Variants in NPC1L1 observed in about 807,000 individuals in gnomAD.
NPC1L1 encodes the protein NPC1 like intracellular cholesterol transporter 1, also known as NPC1-like intracellular cholesterol transporter 1.
In NPC1L1, 98 loss-of-function variants were observed where a neutral mutation model predicts 117.0. The observed-to-expected ratio is 0.84, with a 90% CI of 0.71 to 0.99. The LOEUF (loss-of-function observed/expected upper bound fraction) is 0.99. Ranked by LOEUF, NPC1L1 falls within the 50% of genes least tolerant of loss-of-function variation. The pLI is 0.00. For synonymous variants in NPC1L1, 729 were observed against 727.6 expected (o/e 1.00, Z -0.03); for missense variants, 1,540 against 1,710.0 (o/e 0.90, Z 1.75).
rs149339774 is a variant in NPC1L1 at position 44,539,009 on chromosome 7, C to T, written c.1388G>A (p.Arg463His). The T allele has an allele frequency of 3.0e-4, 482 of 1,613,972 alleles. No individual in the cohort carries two copies. Among genetic ancestry groups the T allele is most frequent in the Non-Finnish European group, 3.7e-4 (441 of 1,180,018 alleles). ...HLQVWSPEAQ[R>H]NISLQDICYA... is the part of the protein sequence containing the mutation. ...GCAGATGTCCTGCAGGGAGATGTTG[C>T]GCTGTGCTTCGGGCGACCATACCTG... The change falls in exon 2 of 19, where the codon CGC (arginine) becomes CAC (histidine). Residue 463 changes from arginine (R) to histidine (H), a missense_variant. Arg to His is a conservative substitution (Grantham distance 29). Transcript: ENST00000381160. This position sits in a 1 kb window ranked among gnomAD's most constrained non-coding sequence, Gnocchi z 4.4.
In NPC1L1 at chr7:44,536,003, G is replaced by T. The variant is rs751489063; in HGVS notation, c.1855-35C>A. On this transcript the variant is annotated intron_variant, in intron 4 of 18. Coordinates refer to ENST00000381160, the MANE Select transcript of NPC1L1 (RefSeq NM_001101648.2). The surrounding 1 kb of genome is among the most constrained non-coding windows in gnomAD (Gnocchi z 4.7). ...CACACCCGACCAGCCCCCACTGACCGTGCCTGCTTCAGCCAGGCCAGCTCT... is the reference window on the plus strand; with the variant it reads ...CACACCCGACCAGCCCCCACTGACCTTGCCTGCTTCAGCCAGGCCAGCTCT... The T allele has an allele frequency of 6.2e-7, 1 of 1,612,146 alleles. No homozygotes were observed. The highest frequency in any genetic ancestry group is 8.5e-7 in the Non-Finnish European group (1 of 1,179,898).
In NPC1L1 at chr7:44,521,741, T is replaced by C. The variant is rs1382699223; in HGVS notation, c.2924A>G (p.Asn975Ser). The change falls in exon 12 of 19, where the codon AAT becomes AGT. Residue 975 changes from asparagine to serine, a missense_variant. This residue lies in a region of NPC1L1 where 742 missense variants were observed against 873.6 expected (regional missense o/e 0.85). Coordinates refer to ENST00000381160, the MANE Select transcript of NPC1L1 (RefSeq NM_001101648.2). ...GGTCGAGGGGCAGAACTTGTCCTTA[T>C]TGGGGCCAGATATATAAAGGCGGCA... ...SCCRLYISGP[N>S]KDKFCPSTVN... 1.4e-5 allele frequency: 23 copies of C among 1,613,960 alleles called. No homozygotes were observed. The highest frequency in any genetic ancestry group is 1.8e-5 in the Non-Finnish European group (21 of 1,180,014).
rs1276692988 is a variant in NPC1L1, at chr7:44,515,965, C to G, written c.3634G>C (p.Val1212Leu). ...KEATISMGSA[V>L]FAGVAMTNLP... ...TTGGTCATGGCCACACCTGCAAACA[C>G]CTGGGGGGTTCAGAGCCAGGTGTCA... The change falls in exon 18 of 19, where the codon GTG (valine) becomes CTG (leucine). Residue 1212 changes from valine (V) to leucine (L), a missense_variant and splice_region_variant. By Grantham distance (32) the Val-to-Leu change is conservative. Transcript: ENST00000381160. 1.2e-6 allele frequency: 2 copies of G among 1,613,706 alleles called. No individual in the cohort carries two copies. Among genetic ancestry groups the G allele is most frequent in the Non-Finnish European group, 1.7e-6 (2 of 1,179,880 alleles).
chr7:44,538,707 A>T lies in NPC1L1; in HGVS notation c.1580+110T>A. 9.2e-7 allele frequency: 1 copy of T among 1,091,218 alleles called. No homozygotes were observed. Among genetic ancestry groups the T allele is most frequent in the Non-Finnish European group, 1.4e-6 (1 of 714,494 alleles). The allele number at this position is 1,091,218 out of a possible 1,614,324, so 67.6% of individuals were successfully genotyped here. A position where few individuals can be genotyped will look rare whatever the true frequency, so the allele number is the denominator to read the frequency against. The stretch of plus-strand genomic sequence containing the variant: ...CCAGGCCAGAGCCGTAGGAATAGCT[A>T]CCTCTGGTCCTTCAGGACCAGCTGT... On this transcript the variant is annotated intron_variant, in intron 2 of 18. Transcript: ENST00000381160. This position sits in a 1 kb window ranked among gnomAD's most constrained non-coding sequence, Gnocchi z 5.9.
Position 44,539,968 on chromosome 7 carries a change from G to A in NPC1L1, c.429C>T (p.Ala143=), listed in dbSNP as rs749862636. The change falls in exon 2 of 19, where the codon GCC becomes GCT. Residue 143 remains alanine, a synonymous_variant. Coordinates refer to ENST00000381160, the MANE Select transcript of NPC1L1 (RefSeq NM_001101648.2). The surrounding 1 kb of genome is among the most constrained non-coding windows in gnomAD (Gnocchi z 4.4). ...QSLFINVTRV[A]QLGAGQLPAV... ...CTGGGAGTTGTCCAGCCCCTAGCTG[G>A]GCCACGCGGGTCACATTGATGAAGA... The A allele has an allele frequency of 3.7e-6, 6 of 1,614,088 alleles. No homozygotes were observed. In the Admixed American group the frequency reaches 1.0e-4, roughly 27 times the overall value.
At chr7:44,516,027 C>T in intron 17 of NPC1L1, 57 bp downstream of exon 17, 1 of 1,608,976 alleles carries the variant, frequency 6.2e-7, no homozygotes. Context: ...CACAGGGCAT[C>T]AGGCAGGGCA....
Position 44,532,163 on chromosome 7 carries a change from C to T in NPC1L1, c.2464G>A (p.Gly822Ser). The T allele has an allele frequency of 6.2e-7, 1 of 1,613,952 alleles. No individual in the cohort carries two copies. The highest frequency in any genetic ancestry group is 8.5e-7 in the Non-Finnish European group (1 of 1,180,014). The change falls in exon 9 of 19, where the codon GGC becomes AGC. Residue 822 changes from glycine (G) to serine (S), a missense_variant. By Grantham distance (56) the Gly-to-Ser change is moderately conservative. Transcript: ENST00000381160. ...CCAAGCAGGAGCCCCTCTCCCTGGC[C>T]AGGCGGGGGCAGCTCCTGGGGCTTG... Reference protein sequence around the residue: ...CVKPQELPPPGQGEGLLLGFF... With the variant: ...CVKPQELPPPSQGEGLLLGFF...
chr7:44,536,180 C>T lies in NPC1L1; in HGVS notation c.1854+76G>A. 1 of 1,602,346 alleles carries T rather than the reference C, an allele frequency of 6.2e-7. No individual in the cohort carries two copies. The highest frequency in any genetic ancestry group is 2.2e-5 in the East Asian group (1 of 44,842). ...CAGGGTCACTTAGGAAGGGCCAGGGCCAGGATGGGGACACAGGAACTGACC... is the reference window on the plus strand; with the variant it reads ...CAGGGTCACTTAGGAAGGGCCAGGGTCAGGATGGGGACACAGGAACTGACC... On this transcript the variant is annotated intron_variant, in intron 4 of 18. Transcript: ENST00000381160. This position sits in a 1 kb window ranked among gnomAD's most constrained non-coding sequence, Gnocchi z 4.7.
In NPC1L1 at chr7:44,515,982, C is replaced by T. The variant is rs769973626; in HGVS notation, c.3634-17G>A. The T allele has an allele frequency of 9.3e-6, 15 of 1,613,304 alleles. No individual in the cohort carries two copies. In the East Asian group the frequency reaches 3.1e-4, roughly 34 times the overall value. ...TGCAAACACCTGGGGGGTTCAGAGC[C>T]AGGTGTCAGGCAGGGCACAGGGCAT... On this transcript the variant is annotated splice_polypyrimidine_tract_variant and intron_variant, in intron 17 of 18. Transcript: ENST00000381160.
chr7:44,527,914 T>G (rs945322876), intron 10 of NPC1L1, among the ~76,000 whole-genome samples: 2 of 152,104 alleles, frequency 1.3e-5, no homozygotes, highest in Non-Finnish European at 2.9e-5. Context: ...AACCTCTACC[T>G]CCTAGATTCA....
intron 10 of NPC1L1, among the ~76,000 whole-genome samples, chr7:44,531,469 C>G (rs2117057003): frequency 6.6e-6 from 1 of 152,378 alleles, no homozygotes; most frequent in Middle Eastern, 3.4e-3. Context: ...AGGCACTCAG[C>G]AAAGTGGCAG....
intron 14 of NPC1L1, among the ~76,000 whole-genome samples, chr7:44,519,564 A>G (rs1248424768): frequency 6.6e-6 from 1 of 152,142 alleles, no homozygotes; most frequent in Non-Finnish European, 1.5e-5. Flanking sequence ...AGCAGTTCAA[A>G]CTATGAATTA....
intron 14 of NPC1L1, among the ~76,000 whole-genome samples, chr7:44,519,001 TTC>T (rs996275961): frequency 1.3e-5 from 2 of 151,182 alleles, no homozygotes; most frequent in African/African-American, 2.4e-5. Context: ...TTCTCTCTCT[TTC>T]TCTCTCTCTC....
chr7:44,532,294 G>A (rs1801731890), intron 8 of NPC1L1, 77 bp from the exon 9 acceptor site: 8 of 1,588,904 alleles, frequency 5.0e-6, no homozygotes, highest in Non-Finnish European at 6.0e-6. Context: ...CCCCCAGGGA[G>A]TGTCACCTTC....
Position 44,539,706 on chromosome 7 carries a change from TC to T in NPC1L1, c.690del (p.Ser231ValfsTer6). 1.2e-6 allele frequency: 2 copies of T among 1,613,906 alleles called. No individual in the cohort carries two copies. Among genetic ancestry groups the T allele is most frequent in the Non-Finnish European group, 1.7e-6 (2 of 1,179,984 alleles). On this transcript the variant is annotated frameshift_variant, in exon 2 of 19. Coordinates refer to ENST00000381160, the MANE Select transcript of NPC1L1 (RefSeq NM_001101648.2). LOFTEE classifies it high-confidence loss of function. This position sits in a 1 kb window ranked among gnomAD's most constrained non-coding sequence, Gnocchi z 4.4. ...FHLLEPGQAV[G>X]SGIQPLNEGV... Reference sequence around the variant, plus strand: ...CCCTCATTCAGAGGCTGAATCCCACTCCCCACGGCCTGGCCAGGCTCCAAGA... The same window carrying T: ...CCCTCATTCAGAGGCTGAATCCCACTCCCACGGCCTGGCCAGGCTCCAAGA...
At chr7:44,529,001 G>A (rs984192925) in intron 10 of NPC1L1, among the ~76,000 whole-genome samples, 2 of 151,780 alleles carry the variant, frequency 1.3e-5, no homozygotes, top group Non-Finnish European at 2.9e-5. Context: ...AACCCGGGAG[G>A]TGTAAGTTGC....
intron 18 of NPC1L1, among the ~76,000 whole-genome samples, chr7:44,514,392 G>A (rs979334798): frequency 9.2e-5 from 14 of 152,210 alleles, no homozygotes; most frequent in African/African-American, 3.1e-4. Context: ...ATGAGACCGG[G>A]TGCGGTGGCC....
chr7:44,540,409 C>G, intron 1 of NPC1L1, 67 bp from the exon 2 acceptor site: 2 of 1,429,026 alleles, frequency 1.4e-6, no homozygotes, highest in Non-Finnish European at 1.9e-6. Context: ...CAGCAGGCAG[C>G]CAGGGAGGGT....
chr7:44,516,798 G>A lies in NPC1L1; in HGVS notation c.3424C>T (p.Leu1142=). 1.2e-6 allele frequency: 2 copies of A among 1,614,152 alleles called. No homozygotes were observed. Among genetic ancestry groups the A allele is most frequent in the Non-Finnish European group, 8.5e-7 (1 of 1,180,012 alleles). The change falls in exon 16 of 19, where the codon CTG becomes TTG. Residue 1142 remains leucine (L), a synonymous_variant. Transcript: ENST00000381160. The part of the protein sequence containing the change: ...GLDLRSGLLN[L]LSIVMILVDT... ...ACGAGGATCATGACAATGGAGAGCAGGTTGAGGAGGCCGGAGCGCAGGTCC... is the reference window on the plus strand; with the variant it reads ...ACGAGGATCATGACAATGGAGAGCAAGTTGAGGAGGCCGGAGCGCAGGTCC...
Sources: gnomAD v4.1 joint callset for allele counts (sites outside exome capture counted in the v4.1 genomes callset) on GRCh38, gnomAD v4.1.1 for gene constraint, gnomAD v4.1.1 regional missense constraint, Gnocchi (gnomAD v3.1) non-coding constraint, MANE v1.5 for transcripts, NCBI Gene and HGNC (gene_info 2026-07-23, HGNC 2026-07-21) for gene names.